The following AGBL4 variants were observed in gnomAD, a reference collection of about 807,000 sequenced individuals.
The protein encoded by AGBL4 is AGBL carboxypeptidase 4, also known as cytosolic carboxypeptidase 6.
In AGBL4, 58 loss-of-function variants were observed where a neutral mutation model predicts 66.4. The ratio of observed to expected loss-of-function variants is 0.87; its 90% CI spans 0.71 to 1.09. AGBL4 has a LOEUF of 1.09. Ranked by LOEUF, AGBL4 falls within the 50% of genes least tolerant of loss-of-function variation. AGBL4 has a pLI of 0.00. For missense variants in AGBL4, 579 were observed against 631.0 expected (o/e 0.92, Z 0.88); for synonymous variants, 234 against 222.9 (o/e 1.05, Z -0.44).
At chr1:49,524,661 C>G (rs929920485) in intron 3 of AGBL4, among the ~76,000 whole-genome samples, 1 of 151,826 alleles carries the variant, frequency 6.6e-6, no homozygotes, top group Admixed American at 6.6e-5. Flanking sequence ...ATTATAATGT[C>G]TCTCTCTTGC....
chr1:49,774,481 T>C (rs1644146586), intron 2 of AGBL4, among the ~76,000 whole-genome samples: 1 of 152,188 alleles, frequency 6.6e-6, no homozygotes, highest in African/African-American at 2.4e-5. Context: ...GGTTCCTTTA[T>C]ATGGGGCAGG....
At chr1:49,948,482 T>TATATAAAA (rs1655724237) in intron 1 of AGBL4, among the ~76,000 whole-genome samples, 1 of 113,598 alleles carries the variant, frequency 8.8e-6, no homozygotes, top group Non-Finnish European at 1.8e-5. Flanking sequence ...AATATATAAA[T>TATATAAAA]ATAAATATAT....
chr1:49,662,092 T>A (rs1480208477), intron 3 of AGBL4, among the ~76,000 whole-genome samples: 9 of 151,560 alleles, frequency 5.9e-5, no homozygotes, highest in Middle Eastern at 6.8e-3. Context: ...TTCTTTTAAA[T>A]AAAAATCTAT....
chr1:49,967,213 T>C (rs1320177970), intron 1 of AGBL4, among the ~76,000 whole-genome samples: 2 of 152,206 alleles, frequency 1.3e-5, no homozygotes, highest in Non-Finnish European at 2.9e-5. Flanking sequence ...TGGTGTGAGA[T>C]GGTATCTCAC....
At chr1:49,807,283 T>C (rs189843913) in intron 2 of AGBL4, among the ~76,000 whole-genome samples, 439 of 152,280 alleles carry the variant, frequency 2.9e-3, no homozygotes, top group African/African-American at 0.01. Context: ...ACCCAGAGCT[T>C]TGGGGACTCA....
At chr1:49,075,958 A>C (rs1157234408) in intron 4 of AGBL4, among the ~76,000 whole-genome samples, 1 of 152,238 alleles carries the variant, frequency 6.6e-6, no homozygotes, top group Admixed American at 6.5e-5. Context: ...AAGAAAGAAC[A>C]TCTAGATAGG....
At chr1:48,609,914 TC>T (rs1486158446) in intron 9 of AGBL4, among the ~76,000 whole-genome samples, 1 of 152,198 alleles carries the variant, frequency 6.6e-6, no homozygotes, top group African/African-American at 2.4e-5. Context: ...GTCACCCTCT[TC>T]TTTATTATAA....
At chr1:49,555,814 C>G (rs577867315) in intron 3 of AGBL4, among the ~76,000 whole-genome samples, 1 of 152,132 alleles carries the variant, frequency 6.6e-6, no homozygotes. Context: ...AAATGCAAAT[C>G]AAAACCACAA....
At chr1:49,108,110 CTT>C (rs1557646591) in intron 4 of AGBL4, among the ~76,000 whole-genome samples, 2 of 152,236 alleles carry the variant, frequency 1.3e-5, no homozygotes. Flanking sequence ...GGGATCTTCA[CTT>C]TCAACCCTCT....
intron 4 of AGBL4, among the ~76,000 whole-genome samples, chr1:49,143,475 T>A (rs1646157423): frequency 6.6e-6 from 1 of 152,212 alleles, no homozygotes; most frequent in Non-Finnish European, 1.5e-5. Flanking sequence ...TCTGTCTATC[T>A]CTGCATCAGT....
At chr1:49,877,951 G>T (rs933209941) in intron 1 of AGBL4, among the ~76,000 whole-genome samples, 2 of 152,074 alleles carry the variant, frequency 1.3e-5, no homozygotes, top group Admixed American at 6.5e-5. Flanking sequence ...TTGTGTAGAG[G>T]TGTTTGTAGT....
chr1:49,529,661 C>T (rs897750075), intron 3 of AGBL4, among the ~76,000 whole-genome samples: 9 of 151,978 alleles, frequency 5.9e-5, no homozygotes, highest in Admixed American at 2.6e-4. Context: ...TGGACAACAG[C>T]GCAAGACCCT....
At chr1:49,039,411 A>T (rs1664928871) in intron 5 of AGBL4, among the ~76,000 whole-genome samples, 1 of 152,154 alleles carries the variant, frequency 6.6e-6, no homozygotes, top group Admixed American at 6.6e-5. Context: ...GATTGTTAAT[A>T]ACAGGAGAGG....
At chr1:48,622,546 C>A (rs1286855639) in intron 9 of AGBL4, among the ~76,000 whole-genome samples, 3 of 131,422 alleles carry the variant, frequency 2.3e-5, no homozygotes, top group Non-Finnish European at 3.1e-5. Context: ...TGCAATGGCA[C>A]AATCTCGGCT....
intron 2 of AGBL4, among the ~76,000 whole-genome samples, chr1:49,699,414 T>C (rs1256366409): frequency 3.3e-5 from 5 of 152,026 alleles, no homozygotes; most frequent in African/African-American, 9.7e-5. Context: ...AAGTTAATAA[T>C]GCCTCCATAT....
intron 3 of AGBL4, among the ~76,000 whole-genome samples, chr1:49,631,138 C>A (rs1021189929): frequency 2.0e-5 from 3 of 152,174 alleles, no homozygotes; most frequent in Non-Finnish European, 2.9e-5. Context: ...TCTAAGGTGT[C>A]CATCCAAATG....
chr1:49,399,793 G>T (rs1429731738), intron 3 of AGBL4, among the ~76,000 whole-genome samples: 1 of 151,878 alleles, frequency 6.6e-6, no homozygotes, highest in African/African-American at 2.4e-5. Flanking sequence ...CTCATTATCT[G>T]GGTTGTCTCT....
intron 3 of AGBL4, among the ~76,000 whole-genome samples, chr1:49,273,667 T>A (rs1557791522): frequency 2.0e-5 from 3 of 151,798 alleles, no homozygotes; most frequent in Non-Finnish European, 4.4e-5. Context: ...TTTTGTTTAC[T>A]TTTTATTTTA....
chr1:49,722,703 A>T (rs1182751888), intron 2 of AGBL4, among the ~76,000 whole-genome samples: 1 of 152,172 alleles, frequency 6.6e-6, no homozygotes, highest in Non-Finnish European at 1.5e-5. Flanking sequence ...GATCTGATTT[A>T]GCTCTATGTT....
Sources: allele counts gnomAD v4.1 joint callset (sites outside exome capture counted in the v4.1 genomes callset), GRCh38; gene constraint gnomAD v4.1.1; transcripts MANE v1.5; gene names NCBI Gene and HGNC (gene_info 2026-07-23, HGNC 2026-07-21).